SLC12A4: variants seen among roughly 807,000 people sequenced by gnomAD.
SLC12A4 encodes the protein solute carrier family 12 member 4, also known as electroneutral potassium-chloride cotransporter 1.
A neutral mutation model predicts 119.2 loss-of-function variants in SLC12A4; 84 were observed. That is an observed-to-expected ratio of 0.70 (90% CI 0.59 to 0.85). The LOEUF is 0.85. Ranked by LOEUF, SLC12A4 falls within the 40% of genes least tolerant of loss-of-function variation. The pLI is 0.00. For synonymous variants in SLC12A4, 599 were observed against 604.6 expected (o/e 0.99, Z 0.14); for missense variants, 1,298 against 1,476.3 (o/e 0.88, Z 1.98).
rs918934599 is a variant in SLC12A4 at position 67,949,518 on chromosome 16, C to T, written c.1748+282G>A. 6 of 323,082 alleles carry T rather than the reference C, an allele frequency of 1.9e-5. No individual in the cohort carries two copies. Among genetic ancestry groups the T allele is most frequent in the Non-Finnish European group, 2.8e-5 (5 of 177,310 alleles). The allele number at this position is 323,082 out of a possible 1,614,324, so 20.0% of individuals were successfully genotyped here. A position where few individuals can be genotyped will look rare whatever the true frequency, so the allele number is the denominator to read the frequency against. On this transcript the variant is annotated intron_variant, in intron 13 of 23. Coordinates refer to ENST00000316341, the MANE Select transcript of SLC12A4 (RefSeq NM_005072.5). This position sits in a 1 kb window ranked among gnomAD's most constrained non-coding sequence, Gnocchi z 4.6. ...AGGGGCAGCAGTGGCTTCATGGAGG[C>T]ATGAGGGACGCGGTGGTTGCCCTGT...
chr16:67,953,161 C>T (rs2030038019), intron 6 of SLC12A4, among the ~76,000 whole-genome samples: 1 of 151,896 alleles, frequency 6.6e-6, no homozygotes, highest in African/African-American at 2.4e-5. Flanking sequence ...CTCTGGGAGG[C>T]CGACTGCCTG....
chr16:67,963,844 G>T (rs923699716), intron 1 of SLC12A4: 7 of 1,505,650 alleles, frequency 4.6e-6, no homozygotes, highest in African/African-American at 4.2e-5. Context: ...ACTGAGGGAC[G>T]GGGCCTGCAG....
At chr16:67,947,301 C>T (rs768400565) in intron 16 of SLC12A4, 30 bp downstream of exon 16, 144 of 1,599,726 alleles carry the variant, frequency 9.0e-5, no homozygotes, top group Non-Finnish European at 1.2e-4. Context: ...AGAACCTCTG[C>T]GCCCTGGCCA....
intron 3 of SLC12A4, 62 bp from the exon 4 acceptor site, chr16:67,958,106 G>A: frequency 6.4e-7 from 1 of 1,561,722 alleles, no homozygotes; most frequent in Non-Finnish European, 8.7e-7. Context: ...TGGAGAGTCA[G>A]CCCTAGTCAC....
chr16:67,958,640 CCT>C (rs2030401345), intron 3 of SLC12A4, among the ~76,000 whole-genome samples: 1 of 152,062 alleles, frequency 6.6e-6, no homozygotes, highest in Admixed American at 6.6e-5. Flanking sequence ...TGCTGAAAAC[CCT>C]CTGTTGTCTT....
chr16:67,957,833 G>A, intron 4 of SLC12A4, 37 bp from the exon 5 acceptor site: 1 of 1,614,126 alleles, frequency 6.2e-7, no homozygotes, highest in Non-Finnish European at 8.5e-7. Flanking sequence ...GGCTCAGCTG[G>A]GTGGGCTCTG....
Position 67,961,912 on chromosome 16 carries a change from C to A in SLC12A4, c.211-206G>T, listed in dbSNP as rs545982945. On this transcript the variant is annotated intron_variant, in intron 2 of 23. Transcript: ENST00000316341. Reference sequence around the variant, plus strand: ...CGTGGCACTCAAAGGCCCAGCCCCGCGGCTGCTTCTCTCTACCCCGCCTTG... The same window carrying A: ...CGTGGCACTCAAAGGCCCAGCCCCGAGGCTGCTTCTCTCTACCCCGCCTTG... Among the ~76,000 whole-genome samples, 78 of 152,332 alleles carry A rather than the reference C, an allele frequency of 5.1e-4. 4 individuals carry two copies. In the South Asian group the frequency reaches 0.016, roughly 31 times the overall value.
At chr16:67,948,040 C>G (rs767748472) in intron 14 of SLC12A4, 21 bp downstream of exon 14, 1 of 1,611,570 alleles carries the variant, frequency 6.2e-7, no homozygotes, top group Non-Finnish European at 8.5e-7. Context: ...CAGGGTCTCC[C>G]GTGTCAGAGG....
Position 67,943,660 on chromosome 16 carries a change from G to C in SLC12A4, c.*1180C>G. The C allele has an allele frequency of 5.6e-6, 3 of 535,250 alleles. No homozygotes were observed. Among genetic ancestry groups the C allele is most frequent in the Non-Finnish European group, 1.0e-5 (3 of 297,830 alleles). The allele number at this position is 535,250 out of a possible 1,614,324, so 33.2% of individuals were successfully genotyped here. A position where few individuals can be genotyped will look rare whatever the true frequency, so the allele number is the denominator to read the frequency against. On this transcript the variant is annotated 3_prime_UTR_variant, in exon 24 of 24. Transcript: ENST00000316341. The surrounding 1 kb of genome is among the most constrained non-coding windows in gnomAD (Gnocchi z 4.6). ...GTGGTGGGGCTTGGCCCAGAGTCTG[G>C]TGTGGCTGTGACTGACCACAGCTTG...
At position 67,945,769 on chromosome 16, in the gene SLC12A4, G is replaced by A. The variant is rs1168708559; in HGVS notation, c.2842C>T (p.Arg948Ter). The A allele has an allele frequency of 5.0e-6, 8 of 1,612,778 alleles. No homozygotes were observed. The highest frequency in any genetic ancestry group is 1.1e-5 in the South Asian group (1 of 91,050). Residue 948 changes from arginine (R) to a stop codon, truncating the protein, a stop_gained, in exon 21 of 24, where the codon CGA becomes TGA. Coordinates refer to ENST00000316341, the MANE Select transcript of SLC12A4 (RefSeq NM_005072.5). LOFTEE classifies it high-confidence loss of function. ...GAACCACAAAGGGCACTGACTTCTC[G>A]CTCCCGCTCAGTCTTGGTCAGTCTC... Reference protein sequence around the residue: ...QMRLTKTEREREAQLVKDRHS... With the variant: ...QMRLTKTERE
In SLC12A4 at chr16:67,943,730, G is replaced by GC. The variant is rs745557321; in HGVS notation, c.*1109dup. ...TCAGGCACACCCCGTCCCCCACTCCGCCCCCCCTGGGTTAGACAACTGAGA... is the reference window on the plus strand; with the variant it reads ...TCAGGCACACCCCGTCCCCCACTCCGCCCCCCCCTGGGTTAGACAACTGAGA... On this transcript the variant is annotated 3_prime_UTR_variant, in exon 24 of 24. Coordinates refer to ENST00000316341, the MANE Select transcript of SLC12A4 (RefSeq NM_005072.5). The surrounding 1 kb of genome is among the most constrained non-coding windows in gnomAD (Gnocchi z 4.6). 18 of 571,810 alleles carry GC rather than the reference G, an allele frequency of 3.1e-5. No individual in the cohort carries two copies. The highest frequency in any genetic ancestry group is 7.3e-5 in the South Asian group (3 of 41,070). The allele number at this position is 571,810 out of a possible 1,614,324, so 35.4% of individuals were successfully genotyped here. A position where few individuals can be genotyped will look rare whatever the true frequency, so the allele number is the denominator to read the frequency against.
chr16:67,961,470 C>A, intron 3 of SLC12A4, 105 bp downstream of exon 3: 2 of 1,492,514 alleles, frequency 1.3e-6, no homozygotes, highest in South Asian at 1.3e-5. Flanking sequence ...ATGCTTGGCA[C>A]CCACTTCCCC....
Position 67,950,454 on chromosome 16 carries a change from T to G in SLC12A4, c.1494A>C (p.Thr498=). The G allele has an allele frequency of 6.2e-7, 1 of 1,613,988 alleles. No individual in the cohort carries two copies. The highest frequency in any genetic ancestry group is 2.2e-5 in the East Asian group (1 of 44,872). ...DGVSRNLVVG[T]LAWPSPWVIV... ...TGACCCAGGGTGAAGGCCAGGCCAGTGTGCCCACCACCAAGTTCCTGCTGA... is the reference window on the plus strand; with the variant it reads ...TGACCCAGGGTGAAGGCCAGGCCAGGGTGCCCACCACCAAGTTCCTGCTGA... Residue 498 remains threonine, a synonymous_variant, in exon 12 of 24, where the codon ACA becomes ACC. Coordinates refer to ENST00000316341, the MANE Select transcript of SLC12A4 (RefSeq NM_005072.5). The surrounding 1 kb of genome is among the most constrained non-coding windows in gnomAD (Gnocchi z 4.3).
chr16:67,959,863 C>G lies in SLC12A4; in HGVS notation c.342+1712G>C, dbSNP rs149480690. 4.6e-3 allele frequency among the ~76,000 whole-genome samples: 705 copies of G among 152,312 alleles called. 24 individuals carry two copies. The highest frequency in any genetic ancestry group is 0.041 in the Admixed American group (621 of 15,296). ...GCTTTGGGTCTTGGCATGGTCTGGTCGGAGGCCCACCCTTCCTGCTTCAAG... is the reference window on the plus strand; with the variant it reads ...GCTTTGGGTCTTGGCATGGTCTGGTGGGAGGCCCACCCTTCCTGCTTCAAG... On this transcript the variant is annotated intron_variant, in intron 3 of 23. Transcript: ENST00000316341.
rs1378261658 is a variant in SLC12A4 at position 67,961,563 on chromosome 16, C to T, written c.342+12G>A. 1 of 1,611,720 alleles carries T rather than the reference C, an allele frequency of 6.2e-7. No individual in the cohort carries two copies. Among genetic ancestry groups the T allele is most frequent in the East Asian group, 2.2e-5 (1 of 44,884 alleles). On this transcript the variant is annotated intron_variant, in intron 3 of 23. Coordinates refer to ENST00000316341, the MANE Select transcript of SLC12A4 (RefSeq NM_005072.5). ...CCCAGGTGTGGCCCCTCTGCCGCCC[C>T]AACCAGCTCACCTCGGCTGCCCTCC...
At position 67,944,543 on chromosome 16, in the gene SLC12A4, G is replaced by A. The variant is rs939493642; in HGVS notation, c.*297C>T. On this transcript the variant is annotated 3_prime_UTR_variant, in exon 24 of 24. Coordinates refer to ENST00000316341, the MANE Select transcript of SLC12A4 (RefSeq NM_005072.5). This position sits in a 1 kb window ranked among gnomAD's most constrained non-coding sequence, Gnocchi z 6.6. ...ATAAATAGCGCTCCTGGGCTGGGCC[G>A]GGCCGGCTGCCTTCAAACCCCACTC... 117 of 1,288,296 alleles carry A rather than the reference G, an allele frequency of 9.1e-5. No homozygotes were observed. Among genetic ancestry groups the A allele is most frequent in the South Asian group, 2.2e-4 (9 of 41,606 alleles). The allele number at this position is 1,288,296 out of a possible 1,614,324, so 79.8% of individuals were successfully genotyped here.
At position 67,951,232 on chromosome 16, in the gene SLC12A4, G is replaced by A. The variant is rs750169574; in HGVS notation, c.1205C>T (p.Pro402Leu). Residue 402 changes from proline to leucine, a missense_variant, in exon 9 of 24, where the codon CCG becomes CTG. By Grantham distance (98) the Pro-to-Leu change is moderately conservative. Transcript: ENST00000316341. The surrounding 1 kb of genome is among the most constrained non-coding windows in gnomAD (Gnocchi z 5.2). ...CAGAGGCAGGCTCTCCTTCAGGCTC[G>A]GGGCATCTGCGGAGGGCAGCCCATG... ...EKHGLPSADA[P>L]SLKESLPLYV... 7.4e-6 allele frequency: 12 copies of A among 1,614,034 alleles called. No individual in the cohort carries two copies. In the East Asian group the frequency reaches 8.9e-5, roughly 12 times the overall value.
chr16:67,959,900 C>T (rs1414099210), intron 3 of SLC12A4, among the ~76,000 whole-genome samples: 2 of 152,320 alleles, frequency 1.3e-5, no homozygotes, highest in East Asian at 1.9e-4. Context: ...CTTCCTTTTC[C>T]GAGGCCCCTG....
rs112195343 is a variant in SLC12A4, at chr16:67,944,326, G to A, written c.*514C>T. The A allele has an allele frequency of 2.1e-6, 3 of 1,403,222 alleles. No individual in the cohort carries two copies. The South Asian group carries it at 4.9e-5, about 23-fold the overall frequency. 86.9% of individuals were successfully genotyped at this position (1,403,222 alleles called of 1,614,324 possible). A position where few individuals can be genotyped will look rare whatever the true frequency, so the allele number is the denominator to read the frequency against. ...GGGAAACAGAGCCGGGGCAGCAGGA[G>A]GCCCAGAACTACACAATGTTTTATT... On this transcript the variant is annotated 3_prime_UTR_variant, in exon 24 of 24. Coordinates refer to ENST00000316341, the MANE Select transcript of SLC12A4 (RefSeq NM_005072.5). This position sits in a 1 kb window ranked among gnomAD's most constrained non-coding sequence, Gnocchi z 6.6.
Sources: allele counts gnomAD v4.1 joint callset (sites outside exome capture counted in the v4.1 genomes callset), GRCh38; gene constraint gnomAD v4.1.1; non-coding constraint Gnocchi (gnomAD v3.1); transcripts MANE v1.5; gene names NCBI Gene and HGNC (gene_info 2026-07-23, HGNC 2026-07-21).